Variants in ACTR3C observed in about 807,000 individuals in gnomAD.
ACTR3C encodes actin-related protein 3C.
A neutral mutation model predicts 26.3 loss-of-function variants in ACTR3C; 18 were observed. The observed-to-expected ratio is 0.68, with a 90% CI of 0.47 to 1.01. The LOEUF (loss-of-function observed/expected upper bound fraction) is 1.01, where lower values mean the gene tolerates loss of function less well. ACTR3C is among the 50% of genes least tolerant of loss of function. ACTR3C has a pLI of 0.00. For synonymous variants in ACTR3C, 55 were observed against 94.5 expected (o/e 0.58, Z 2.42); for missense variants, 184 against 250.7 (o/e 0.73, Z 1.80).
At chr7:150,033,764 T>TC in the ACTR3C span, among the ~76,000 whole-genome samples, 45 of 135,944 alleles carry the variant, frequency 3.3e-4, no homozygotes, top group African/African-American at 1.2e-3. Context: ...TGGGGGGTGC[T>TC]TCCACCTCCT....
chr7:150,037,772 C>T, the ACTR3C span, among the ~76,000 whole-genome samples: 8 of 48,040 alleles, frequency 1.7e-4, no homozygotes, highest in South Asian at 5.7e-4. Context: ...GGGGTGCCTC[C>T]CCCTCCTGCG....
the ACTR3C span, among the ~76,000 whole-genome samples, chr7:150,129,398 T>C: frequency 4.6e-5 from 7 of 152,092 alleles, no homozygotes; most frequent in African/African-American, 1.7e-4. Context: ...TGTAATAAGG[T>C]AGGAAAAGGA....
chr7:149,944,801 CTGTAA>C, the ACTR3C span, among the ~76,000 whole-genome samples: 1 of 151,164 alleles, frequency 6.6e-6, no homozygotes, highest in Non-Finnish European at 1.5e-5. Context: ...CTCCAAACTA[CTGTAA>C]TGTGACATCT....
chr7:150,261,049 A>G (rs1833599336), intron 6 of ACTR3C, among the ~76,000 whole-genome samples: 1 of 152,224 alleles, frequency 6.6e-6, no homozygotes, highest in Non-Finnish European at 1.5e-5. Context: ...AAAAGCAACA[A>G]ATATTTGATA....
the ACTR3C span, among the ~76,000 whole-genome samples, chr7:150,154,015 T>C: frequency 9.6e-3 from 1,388 of 144,252 alleles, 25 homozygotes; most frequent in African/African-American, 0.034. Context: ...TAGGTGGGAA[T>C]TGAACAATGA....
the ACTR3C span, among the ~76,000 whole-genome samples, chr7:150,085,000 G>A: frequency 6.6e-6 from 1 of 152,130 alleles, no homozygotes; most frequent in Non-Finnish European, 1.5e-5. Flanking sequence ...GGTTAAATGA[G>A]GTGAAAGGGA....
the ACTR3C span, among the ~76,000 whole-genome samples, chr7:149,983,449 G>GTATATATATATATA: frequency 1.0e-3 from 24 of 23,286 alleles, 3 homozygotes; most frequent in African/African-American, 3.5e-3. Context: ...GTGTGTGTGT[G>GTATATATATATATA]TATATATATA....
the ACTR3C span, among the ~76,000 whole-genome samples, chr7:150,229,570 C>T: frequency 1.2e-4 from 18 of 151,904 alleles, no homozygotes; most frequent in South Asian, 2.1e-4. Flanking sequence ...CTGCAACCTC[C>T]GCCTCCCACG....
At chr7:150,113,207 C>T in the ACTR3C span, among the ~76,000 whole-genome samples, 4 of 143,700 alleles carry the variant, frequency 2.8e-5, no homozygotes, top group African/African-American at 1.0e-4. Context: ...CCCCGTCCAA[C>T]GGAAATGGAA....
chr7:150,090,214 G>T, the ACTR3C span, among the ~76,000 whole-genome samples: 1 of 152,216 alleles, frequency 6.6e-6, no homozygotes, highest in African/African-American at 2.4e-5. Flanking sequence ...AATAATTCTC[G>T]TTTAATTGAT....
At chr7:150,292,717 G>A (rs1367386212) in intron 3 of ACTR3C, among the ~76,000 whole-genome samples, 5 of 151,918 alleles carry the variant, frequency 3.3e-5, no homozygotes, top group East Asian at 3.9e-4. Flanking sequence ...GGCAGGTCTC[G>A]AATTCCCGAC....
chr7:150,169,584 C>A, the ACTR3C span, among the ~76,000 whole-genome samples: 2 of 150,262 alleles, frequency 1.3e-5, no homozygotes, highest in African/African-American at 5.0e-5. Flanking sequence ...GTTGAAGCCA[C>A]CAGTCTGTGG....
chr7:150,278,163 G>A (rs2129611646), intron 6 of ACTR3C, among the ~76,000 whole-genome samples: 1 of 152,228 alleles, frequency 6.6e-6, no homozygotes, highest in South Asian at 2.1e-4. Flanking sequence ...CTTCACCCTA[G>A]TGCTGCAACA....
chr7:150,004,054 A>G, the ACTR3C span, among the ~76,000 whole-genome samples: 1 of 148,368 alleles, frequency 6.7e-6, no homozygotes, highest in Non-Finnish European at 1.5e-5. Context: ...TGTATGATGT[A>G]TGTAGGATGT....
chr7:150,179,657 T>C, the ACTR3C span, among the ~76,000 whole-genome samples: 1 of 150,920 alleles, frequency 6.6e-6, no homozygotes, highest in Non-Finnish European at 1.5e-5. Flanking sequence ...GCTACAATTT[T>C]ATTTTTTATT....
At chr7:149,938,449 A>T in the ACTR3C span, among the ~76,000 whole-genome samples, 17 of 152,164 alleles carry the variant, frequency 1.1e-4, no homozygotes, top group African/African-American at 4.1e-4. Flanking sequence ...GATTTTTTTT[A>T]AAAAAGGAAG....
chr7:149,991,507 G>A, the ACTR3C span, among the ~76,000 whole-genome samples: 4 of 152,166 alleles, frequency 2.6e-5, no homozygotes, highest in Non-Finnish European at 1.5e-5. Flanking sequence ...TGGCAGGCCT[G>A]GAATCCCAGG....
chr7:150,001,108 C>T, the ACTR3C span: 2 of 152,114 alleles, frequency 1.3e-5, no homozygotes, highest in Non-Finnish European at 2.9e-5. Flanking sequence ...AAGCAGAACA[C>T]CGGAAAAGAC....
At chr7:150,086,943 A>G in the ACTR3C span, among the ~76,000 whole-genome samples, 2 of 152,234 alleles carry the variant, frequency 1.3e-5, no homozygotes, top group Admixed American at 6.5e-5. Flanking sequence ...AGAAGAGAAC[A>G]TAGAAGATAA....
Sources: gnomAD v4.1 joint callset for allele counts (sites outside exome capture counted in the v4.1 genomes callset) on GRCh38, gnomAD v4.1.1 for gene constraint, MANE v1.5 for transcripts, NCBI Gene and HGNC (gene_info 2026-07-23, HGNC 2026-07-21) for gene names.